The following NUBPL variants were observed in gnomAD, a reference collection of about 807,000 sequenced individuals.
The protein encoded by NUBPL is NUBP iron-sulfur cluster assembly factor, mitochondrial, also known as iron-sulfur cluster transfer protein NUBPL.
A neutral mutation model predicts 45.7 loss-of-function variants in NUBPL; 31 were observed. That is an observed-to-expected ratio of 0.68 (90% CI 0.51 to 0.92). The LOEUF (loss-of-function observed/expected upper bound fraction) is 0.92. Among genes scored for constraint, NUBPL ranks in the 40% least tolerant of loss-of-function variants. The pLI is 0.00. For synonymous variants in NUBPL, 144 were observed against 140.9 expected, an observed-to-expected ratio of 1.02 and a Z score of -0.15; for missense variants, 401 against 398.7, an observed-to-expected ratio of 1.01 and a Z score of -0.05.
Position 31,842,168 on chromosome 14 carries a change from C to T in NUBPL, c.694-4303C>T, listed in dbSNP as rs1459227646. Among the ~76,000 whole-genome samples the T allele has an allele frequency of 1.3e-4, 20 of 151,702 alleles. No homozygotes were observed. The East Asian group carries it at 1.6e-3, about 12-fold the overall frequency. On this transcript the variant is annotated intron_variant, in intron 8 of 10. Transcript: ENST00000281081. ...ATGGTCTTGATCTGACCTCATGATC[C>T]GCCCGTCTTGGCCTCCCAAAGAGCT...
rs557436383 is a variant in NUBPL, at chr14:31,661,830, G to C, written c.383-11525G>C. 2.3e-4 allele frequency among the ~76,000 whole-genome samples: 35 copies of C among 152,290 alleles called. No homozygotes were observed. The South Asian group carries it at 7.1e-3, about 31-fold the overall frequency. ...GCTGGGATTACAGGCGTGAGCCACT[G>C]CACCTGGCCCATTTCTGGTAATTTT... is the stretch of plus-strand genomic sequence containing the variant. On this transcript the variant is annotated intron_variant, in intron 4 of 10. Transcript: ENST00000281081.
intron 7 of NUBPL, among the ~76,000 whole-genome samples, chr14:31,823,476 G>A (rs1453231477): frequency 1.3e-5 from 2 of 152,114 alleles, no homozygotes; most frequent in Non-Finnish European, 2.9e-5. Context: ...TAGTGAAGGA[G>A]AAGATTTGGA....
At chr14:31,737,312 A>G (rs556461610) in intron 6 of NUBPL, among the ~76,000 whole-genome samples, 6 of 152,294 alleles carry the variant, frequency 3.9e-5, no homozygotes, top group Non-Finnish European at 7.4e-5. Context: ...AACTTTTTGA[A>G]TAGTGTGAAA....
At chr14:31,614,947 T>C (rs2034856910) in intron 4 of NUBPL, among the ~76,000 whole-genome samples, 1 of 152,096 alleles carries the variant, frequency 6.6e-6, no homozygotes, top group Admixed American at 6.6e-5. Context: ...CTTTGCAAAG[T>C]AGATAAGCCA....
intron 6 of NUBPL, among the ~76,000 whole-genome samples, chr14:31,775,854 T>C (rs918560206): frequency 6.6e-6 from 1 of 152,126 alleles, no homozygotes. Flanking sequence ...ACCATGAAGC[T>C]AATAAAGCTT....
chr14:31,754,697 T>A lies in NUBPL; in HGVS notation c.514-33083T>A, dbSNP rs533380732. 4.8e-3 allele frequency among the ~76,000 whole-genome samples: 650 copies of A among 136,030 alleles called. 2 individuals carry two copies. Among genetic ancestry groups the A allele is most frequent in the Middle Eastern group, 0.018 (5 of 280 alleles). 89.2% of individuals were successfully genotyped at this position (136,030 alleles called of 152,430 possible). On this transcript the variant is annotated intron_variant, in intron 6 of 10. Transcript: ENST00000281081. Reference sequence around the variant, plus strand: ...AGGGGCTGGCTAAGCAAAAAAAAAATTTTTTTTATTATTATTATACTTTAA... The same window carrying A: ...AGGGGCTGGCTAAGCAAAAAAAAAAATTTTTTTATTATTATTATACTTTAA...
At chr14:31,756,520 AG>A (rs2038668659) in intron 6 of NUBPL, among the ~76,000 whole-genome samples, 2 of 152,006 alleles carry the variant, frequency 1.3e-5, no homozygotes, top group Non-Finnish European at 2.9e-5. Context: ...TTGCTGTATA[AG>A]AATGCTTGTG....
intron 3 of NUBPL, among the ~76,000 whole-genome samples, chr14:31,569,653 G>A (rs1162922820): frequency 6.6e-6 from 1 of 152,156 alleles, no homozygotes; most frequent in Non-Finnish European, 1.5e-5. Flanking sequence ...GCAACCCATG[G>A]TGTGCCTGAG....
intron 6 of NUBPL, among the ~76,000 whole-genome samples, chr14:31,754,737 G>A (rs1404388491): frequency 6.6e-6 from 1 of 150,794 alleles, no homozygotes; most frequent in Non-Finnish European, 1.5e-5. Context: ...TAGGGTACAT[G>A]TGCACAATGT....
intron 6 of NUBPL, among the ~76,000 whole-genome samples, chr14:31,767,759 A>G (rs2038939605): frequency 6.6e-6 from 1 of 151,888 alleles, no homozygotes; most frequent in Non-Finnish European, 1.5e-5. Flanking sequence ...TTGATCATTT[A>G]AAGGATTTTT....
chr14:31,683,276 A>G (rs921825959), intron 6 of NUBPL, among the ~76,000 whole-genome samples: 1 of 151,364 alleles, frequency 6.6e-6, no homozygotes, highest in African/African-American at 2.4e-5. Flanking sequence ...TATTTTAACT[A>G]TACATCCATT....
At chr14:31,771,790 A>G (rs2138765025) in intron 6 of NUBPL, 2 of 764,570 alleles carry the variant, frequency 2.6e-6, no homozygotes, top group Non-Finnish European at 3.2e-6. Flanking sequence ...TCCTTTACCT[A>G]TTACCCCACT....
intron 7 of NUBPL, among the ~76,000 whole-genome samples, chr14:31,814,473 T>C (rs188524174): frequency 2.2e-4 from 33 of 151,938 alleles, no homozygotes; most frequent in African/African-American, 6.7e-4. Flanking sequence ...TTTTCTCCCA[T>C]TCTATAGGTT....
At chr14:31,636,743 TATTG>T in intron 4 of NUBPL, among the ~76,000 whole-genome samples, 2 of 152,336 alleles carry the variant, frequency 1.3e-5, no homozygotes, top group South Asian at 2.1e-4. Flanking sequence ...GTTGGTAAGC[TATTG>T]ATTATTGCCA....
intron 4 of NUBPL, among the ~76,000 whole-genome samples, chr14:31,638,025 G>A (rs1305690650): frequency 6.6e-6 from 1 of 152,122 alleles, no homozygotes; most frequent in African/African-American, 2.4e-5. Flanking sequence ...ACACGGATGG[G>A]TCTTGACTCT....
chr14:31,633,309 A>T (rs960073684), intron 4 of NUBPL, among the ~76,000 whole-genome samples: 2 of 152,248 alleles, frequency 1.3e-5, no homozygotes, highest in African/African-American at 2.4e-5. Flanking sequence ...ATAACCACAG[A>T]TTATCACCAA....
chr14:31,812,094 G>T (rs2039817183), intron 7 of NUBPL, among the ~76,000 whole-genome samples: 1 of 152,200 alleles, frequency 6.6e-6, no homozygotes, highest in South Asian at 2.1e-4. Flanking sequence ...CTACATGGGG[G>T]TCATGGACCC....
intron 7 of NUBPL, among the ~76,000 whole-genome samples, chr14:31,813,023 C>T (rs985979960): frequency 4.2e-5 from 6 of 141,976 alleles, no homozygotes; most frequent in East Asian, 2.1e-4. Flanking sequence ...CTTGCTCTGT[C>T]GCCTAGGCTG....
chr14:31,744,617 C>CTTT (rs34367142), intron 6 of NUBPL, among the ~76,000 whole-genome samples: 50 of 103,908 alleles, frequency 4.8e-4, no homozygotes, highest in East Asian at 8.4e-4. Flanking sequence ...TTTGTAGAAT[C>CTTT]TTTTTTTTTT....
Sources: allele counts gnomAD v4.1 joint callset (sites outside exome capture counted in the v4.1 genomes callset), GRCh38; gene constraint gnomAD v4.1.1; transcripts MANE v1.5; gene names NCBI Gene and HGNC (gene_info 2026-07-23, HGNC 2026-07-21).